The following MYH2 variants were observed in gnomAD, a reference collection of about 807,000 sequenced individuals.
The protein encoded by MYH2 is myosin heavy chain 2, also known as myosin-2.
In MYH2, 139 loss-of-function variants were observed where a neutral mutation model predicts 228.1. The ratio of observed to expected loss-of-function variants is 0.61; its 90% confidence interval spans 0.53 to 0.70. The LOEUF is 0.70. Ranked by LOEUF, MYH2 falls within the 30% of genes least tolerant of loss-of-function variation. MYH2 has a pLI of 0.00. For missense variants in MYH2, 1,809 were observed against 2,357.5 expected, an observed-to-expected ratio of 0.77 and a Z score of 4.82; for synonymous variants, 796 against 871.1, an observed-to-expected ratio of 0.91 and a Z score of 1.52.
chr17:10,525,721 A>G lies in MYH2; in HGVS notation c.4343T>C (p.Leu1448Pro). 6.2e-7 allele frequency: 1 copy of G among 1,614,186 alleles called. No individual in the cohort carries two copies. Among genetic ancestry groups the G allele is most frequent in the Non-Finnish European group, 8.5e-7 (1 of 1,180,024 alleles). Reference protein sequence around the residue: ...VERTNAACAALDKKQRNFDKI... With the variant: ...VERTNAACAAPDKKQRNFDKI... ...ATCGAAGTTCCTTTGCTTTTTGTCA[A>G]GGGCGGCACAGGCGGCATTTGTCCT... is the stretch of plus-strand genomic sequence containing the variant. The change falls in exon 31 of 40, where the codon CTT becomes CCT. Residue 1448 changes from leucine (L) to proline (P), a missense_variant. Leu to Pro is a moderately conservative substitution (Grantham distance 98, BLOSUM62 -3). Around this residue, in one of 9 missense-constraint regions of MYH2, gnomAD observed 636 missense variants for 729.9 expected, o/e 0.87. Coordinates refer to ENST00000245503, the MANE Select transcript of MYH2 (RefSeq NM_017534.6). The surrounding 1 kb of genome is among the most constrained non-coding windows in gnomAD (Gnocchi z 4.2).
In MYH2 at chr17:10,529,014, C is replaced by T. The variant is rs2142299155; in HGVS notation, c.3420G>A (p.Lys1140=). 3.1e-6 allele frequency: 5 copies of T among 1,614,248 alleles called. No individual in the cohort carries two copies. The highest frequency in any genetic ancestry group is 4.2e-6 in the Non-Finnish European group (5 of 1,180,052). ...GCTCCCGGGAGAGGTCAGAGCGCTG[C>T]TTCTCTGCTTTGGCCCGGGAGGCCC... ...AERASRAKAE[K]QRSDLSRELE... is the part of the protein sequence containing the mutation. Residue 1140 remains lysine, a synonymous_variant, in exon 27 of 40, where the codon AAG becomes AAA. Coordinates refer to ENST00000245503, the MANE Select transcript of MYH2 (RefSeq NM_017534.6).
In MYH2 at chr17:10,537,620, T is replaced by C; in HGVS notation, c.1587+45A>G. The C allele has an allele frequency of 6.2e-7, 1 of 1,614,154 alleles. No individual in the cohort carries two copies. The highest frequency in any genetic ancestry group is 8.5e-7 in the Non-Finnish European group (1 of 1,180,020). On this transcript the variant is annotated intron_variant, in intron 15 of 39. Coordinates refer to ENST00000245503, the MANE Select transcript of MYH2 (RefSeq NM_017534.6). This position sits in a 1 kb window ranked among gnomAD's most constrained non-coding sequence, Gnocchi z 4.0. Reference sequence around the variant, plus strand: ...TAGAATTAAAATAAAAAGCAGCGAATAATATAGTTGCCGCAAAATATGGTT... The same window carrying C: ...TAGAATTAAAATAAAAAGCAGCGAACAATATAGTTGCCGCAAAATATGGTT...
intron 19 of MYH2, 54 bp from the exon 20 acceptor site, chr17:10,533,686 A>T: frequency 1.3e-6 from 2 of 1,583,068 alleles, no homozygotes; most frequent in Non-Finnish European, 1.7e-6. Flanking sequence ...CACAAATGCT[A>T]GCTAAACATT....
rs373108053 is a variant in MYH2, at chr17:10,528,850, G to A, written c.3584C>T (p.Ala1195Val). ...EEATLQHEATAATLRKKHADS... is the reference protein window; with the variant it reads ...EEATLQHEATVATLRKKHADS... The stretch of plus-strand genomic sequence containing the variant: ...TGCATGCTTCTTCCTCAGGGTGGCC[G>A]CTGTGGCTTCATGCTGTAGGGTGGC... The change falls in exon 27 of 40, where the codon GCG (alanine) becomes GTG (valine). Residue 1195 changes from alanine to valine, a missense_variant. Ala to Val is a moderately conservative substitution (Grantham distance 64). Coordinates refer to ENST00000245503, the MANE Select transcript of MYH2 (RefSeq NM_017534.6). 9 of 1,614,096 alleles carry A rather than the reference G, an allele frequency of 5.6e-6. No homozygotes were observed. Among genetic ancestry groups the A allele is most frequent in the South Asian group, 2.2e-5 (2 of 91,084 alleles).
At chr17:10,540,485 T>A in intron 11 of MYH2, 109 bp downstream of exon 11, 1 of 969,998 alleles carries the variant, frequency 1.0e-6, no homozygotes, top group East Asian at 2.6e-5. Flanking sequence ...CATGTCCATT[T>A]GCATCCTGGA....
rs1483592276 is a variant in MYH2, at chr17:10,544,274, C to A, written c.506-147G>T. Reference sequence around the variant, plus strand: ...AGGCTTTAGACCTACCACTTTCTCCCTCCCCAACTTTAGCACACATCCACC... The same window carrying A: ...AGGCTTTAGACCTACCACTTTCTCCATCCCCAACTTTAGCACACATCCACC... On this transcript the variant is annotated intron_variant, in intron 5 of 39. Transcript: ENST00000245503. 5.5e-6 allele frequency: 5 copies of A among 909,288 alleles called. No individual in the cohort carries two copies. In the Admixed American group the frequency reaches 8.5e-5, roughly 15 times the overall value. 56.3% of individuals were successfully genotyped at this position (909,288 alleles called of 1,614,324 possible). A position where few individuals can be genotyped will look rare whatever the true frequency, so the allele number is the denominator to read the frequency against.
chr17:10,523,243 A>G, intron 38 of MYH2, 58 bp from the exon 39 acceptor site: 2 of 1,604,312 alleles, frequency 1.2e-6, no homozygotes, highest in Non-Finnish European at 1.7e-6. Flanking sequence ...CTATTGCATC[A>G]TTGCATATGA....
In MYH2 at chr17:10,535,504, G is replaced by A. The variant is rs1597453684; in HGVS notation, c.1975-139C>T. ...ATTCATATAAGGCAACACTTTGAAT[G>A]CTTCTTCTGAGATGCTTTTTCCTCC... is the stretch of plus-strand genomic sequence containing the variant. On this transcript the variant is annotated intron_variant, in intron 17 of 39. Coordinates refer to ENST00000245503, the MANE Select transcript of MYH2 (RefSeq NM_017534.6). 4.0e-6 allele frequency: 3 copies of A among 756,718 alleles called. No individual in the cohort carries two copies. The South Asian group carries it at 4.5e-5, about 11-fold the overall frequency. 46.9% of individuals were successfully genotyped at this position (756,718 alleles called of 1,614,324 possible).
chr17:10,521,412 A>C lies in MYH2; in HGVS notation c.5694T>G (p.Asn1898Lys). ...AEEAEEQSNTNLAKFRKLQHE... is the reference protein window; with the variant it reads ...AEEAEEQSNTKLAKFRKLQHE... ...GCTGGAGCTTGCGGAATTTAGCTAG[A>C]TTGGTGTTGGATTGTTCCTCCTGAG... Residue 1898 changes from asparagine (N) to lysine (K), a missense_variant, in exon 40 of 40, where the codon AAT becomes AAG. This residue lies in a region of MYH2 where 278 missense variants were observed against 308.5 expected (regional missense o/e 0.90). Transcript: ENST00000245503. 9.3e-6 allele frequency: 15 copies of C among 1,614,110 alleles called. No homozygotes were observed. The highest frequency in any genetic ancestry group is 1.3e-5 in the Non-Finnish European group (15 of 1,179,990).
At position 10,537,134 on chromosome 17, in the gene MYH2, T is replaced by C; in HGVS notation, c.1897+99A>G. ...TCAATACTTGGAGGAACCAGGGGCT[T>C]GGTCTGCAACCCTTCTGCCAGACCT... On this transcript the variant is annotated intron_variant, in intron 16 of 39. Coordinates refer to ENST00000245503, the MANE Select transcript of MYH2 (RefSeq NM_017534.6). The surrounding 1 kb of genome is among the most constrained non-coding windows in gnomAD (Gnocchi z 4.0). The C allele has an allele frequency of 6.7e-7, 1 of 1,495,416 alleles. No individual in the cohort carries two copies. Among genetic ancestry groups the C allele is most frequent in the Non-Finnish European group, 9.3e-7 (1 of 1,079,414 alleles). The allele number at this position is 1,495,416 out of a possible 1,614,324, so 92.6% of individuals were successfully genotyped here.
chr17:10,531,293 A>G (rs2073421382), intron 22 of MYH2, among the ~76,000 whole-genome samples: 1 of 152,206 alleles, frequency 6.6e-6, no homozygotes, highest in Non-Finnish European at 1.5e-5. Flanking sequence ...TACTCTCTCC[A>G]TGCTATCCTC....
At chr17:10,539,674 T>C in intron 12 of MYH2, 112 bp from the exon 13 acceptor site, 1 of 1,246,434 alleles carries the variant, frequency 8.0e-7, no homozygotes, top group Non-Finnish European at 1.2e-6. Flanking sequence ...TATCTCTTTC[T>C]GAGTATCCTT....
chr17:10,529,474 C>T lies in MYH2; in HGVS notation c.3125G>A (p.Gly1042Glu), dbSNP rs1459718999. 1 of 1,614,060 alleles carries T rather than the reference C, an allele frequency of 6.2e-7. No homozygotes were observed. Among genetic ancestry groups the T allele is most frequent in the Non-Finnish European group, 8.5e-7 (1 of 1,180,042 alleles). ...AAGTTTCTTTTCTTGCTCCAAGGAC[C>T]CTTCAAGCTAAATATAAATTATGTT... ...KLEQQVDDLE[G>E]SLEQEKKLRM... Residue 1042 changes from glycine (G) to glutamate (E), a missense_variant, in exon 25 of 40, where the codon GGG (glycine) becomes GAG (glutamate). Gly to Glu is a moderately conservative substitution (Grantham distance 98). Transcript: ENST00000245503.
chr17:10,533,297 A>G lies in MYH2; in HGVS notation c.2429T>C (p.Met810Thr). Residue 810 changes from methionine (M) to threonine (T), a missense_variant, in exon 21 of 40, where the codon ATG (methionine) becomes ACG (threonine). By Grantham distance (81) the Met-to-Thr change is moderately conservative. This residue lies in a region of MYH2 where 276 missense variants were observed against 344.2 expected (regional missense o/e 0.80). Transcript: ENST00000245503. ...GFLARVEYQR[M>T]VERREAIFCI... ...ATATTTTTTATACCTTCTCTCCACCATCCTCTGGTACTCCACTCTTGCCAA... is the reference window on the plus strand; with the variant it reads ...ATATTTTTTATACCTTCTCTCCACCGTCCTCTGGTACTCCACTCTTGCCAA... 2 of 1,614,084 alleles carry G rather than the reference A, an allele frequency of 1.2e-6. No individual in the cohort carries two copies. The highest frequency in any genetic ancestry group is 1.7e-6 in the Non-Finnish European group (2 of 1,179,994).
intron 5 of MYH2, 88 bp from the exon 6 acceptor site, chr17:10,544,215 T>C: frequency 6.6e-7 from 1 of 1,521,264 alleles, no homozygotes; most frequent in Non-Finnish European, 9.0e-7. Flanking sequence ...CTTAGTATTA[T>C]TCAGTCTGGA....
At position 10,521,428 on chromosome 17, in the gene MYH2, T is replaced by C. The variant is rs1038752889; in HGVS notation, c.5678A>G (p.Glu1893Gly). 3.1e-6 allele frequency: 5 copies of C among 1,614,082 alleles called. No individual in the cohort carries two copies. Among genetic ancestry groups the C allele is most frequent in the Middle Eastern group, 3.3e-4 (2 of 6,062 alleles). ...SYKRQAEEAE[E>G]QSNTNLAKFR... ...TTTAGCTAGATTGGTGTTGGATTGT[T>C]CCTCCTGAGAATAAAAATGGAATTG... The change falls in exon 40 of 40, where the codon GAA becomes GGA. Residue 1893 changes from glutamate (E) to glycine (G), a missense_variant. By Grantham distance (98) the Glu-to-Gly change is moderately conservative. This residue lies in a region of MYH2 where 278 missense variants were observed against 308.5 expected (regional missense o/e 0.90). Transcript: ENST00000245503.
chr17:10,547,471 T>C lies in MYH2; in HGVS notation c.348+4A>G, dbSNP rs756883047. Reference sequence around the variant, plus strand: ...TATACAGAGCACTGGCAGGGGACACTCACGTAGATCATCCAGGCTGCATAA... The same window carrying C: ...TATACAGAGCACTGGCAGGGGACACCCACGTAGATCATCCAGGCTGCATAA... On this transcript the variant is annotated splice_donor_region_variant and intron_variant, in intron 4 of 39. Transcript: ENST00000245503. The C allele has an allele frequency of 6.2e-7, 1 of 1,614,048 alleles. No homozygotes were observed. Among genetic ancestry groups the C allele is most frequent in the South Asian group, 1.1e-5 (1 of 91,070 alleles).
chr17:10,546,207 G>A (rs1864296274), intron 4 of MYH2, among the ~76,000 whole-genome samples: 1 of 129,884 alleles, frequency 7.7e-6, no homozygotes, highest in African/African-American at 2.9e-5. Context: ...CAACACTCAG[G>A]AAATATTTAC....
At chr17:10,546,330 A>C (rs369676096) in intron 4 of MYH2, among the ~76,000 whole-genome samples, 1 of 142,176 alleles carries the variant, frequency 7.0e-6, no homozygotes, top group Non-Finnish European at 1.5e-5. Context: ...ATCTTTGACA[A>C]TTGGTTCAAG....
Sources: allele counts gnomAD v4.1 joint callset (sites outside exome capture counted in the v4.1 genomes callset), GRCh38; gene constraint gnomAD v4.1.1; regional missense constraint gnomAD v4.1.1; non-coding constraint Gnocchi (gnomAD v3.1); transcripts MANE v1.5; gene names NCBI Gene and HGNC (gene_info 2026-07-23, HGNC 2026-07-21).